The following LYPLAL1 variants were observed in gnomAD, a reference collection of about 807,000 sequenced individuals.
The protein encoded by LYPLAL1 is lysophospholipase like 1, also known as lysophospholipase-like protein 1.
A neutral mutation model predicts 19.7 loss-of-function variants in LYPLAL1; 23 were observed. The observed-to-expected ratio is 1.17, with a 90% CI of 0.84 to 1.65. The LOEUF is 1.65. LYPLAL1 is among the 40% of genes most tolerant of loss of function. The probability of loss-of-function intolerance (pLI) is 0.00; values close to 1 mark genes in which losing one functional copy is unlikely to be tolerated. For synonymous variants in LYPLAL1, 119 were observed against 96.3 expected (o/e 1.24, Z -1.38); for missense variants, 355 against 279.4 (o/e 1.27, Z -1.93).
At chr1:219,432,662 C>G in the LYPLAL1 span, among the ~76,000 whole-genome samples, 4 of 152,144 alleles carry the variant, frequency 2.6e-5, no homozygotes, top group Non-Finnish European at 5.9e-5. Context: ...CAGAGGGTCT[C>G]CTTGGGAAAG....
chr1:219,291,952 G>A, the LYPLAL1 span, among the ~76,000 whole-genome samples: 1 of 151,790 alleles, frequency 6.6e-6, no homozygotes, highest in Admixed American at 6.6e-5. Context: ...ATTGATTACA[G>A]TTTAATGCAA....
chr1:219,362,287 T>C, the LYPLAL1 span, among the ~76,000 whole-genome samples: 1 of 152,120 alleles, frequency 6.6e-6, no homozygotes, highest in South Asian at 2.1e-4. Flanking sequence ...CATTTACTAA[T>C]TGTGTGATCT....
chr1:219,187,984 A>G lies in LYPLAL1; in HGVS notation c.192-5098A>G, dbSNP rs148955473. On this transcript the variant is annotated intron_variant, in intron 2 of 4. Coordinates refer to ENST00000366928, the MANE Select transcript of LYPLAL1 (RefSeq NM_138794.5). ...AAGAAACAAAAATGGACTGTTTTCT[A>G]CAAATCACAGTGTAGATTTTATAAG... 7.6e-3 allele frequency among the ~76,000 whole-genome samples: 1,152 copies of G among 151,996 alleles called. 4 individuals carry two copies. The highest frequency in any genetic ancestry group is 0.023 in the South Asian group (109 of 4,830).
At chr1:219,256,344 T>C in the LYPLAL1 span, among the ~76,000 whole-genome samples, 1 of 151,942 alleles carries the variant, frequency 6.6e-6, no homozygotes, top group African/African-American at 2.4e-5. Flanking sequence ...AGTGTAATTA[T>C]TTATAATTTT....
chr1:219,219,661 T>C, the LYPLAL1 span, among the ~76,000 whole-genome samples: 1 of 152,206 alleles, frequency 6.6e-6, no homozygotes, highest in Admixed American at 6.5e-5. Flanking sequence ...ACAACTATTA[T>C]TCTATGAGAA....
chr1:219,435,881 T>A, the LYPLAL1 span, among the ~76,000 whole-genome samples: 2 of 152,054 alleles, frequency 1.3e-5, no homozygotes, highest in Non-Finnish European at 2.9e-5. Flanking sequence ...CATCCCACAT[T>A]CATTTAAAGC....
At chr1:219,387,417 C>T in the LYPLAL1 span, among the ~76,000 whole-genome samples, 3 of 152,286 alleles carry the variant, frequency 2.0e-5, no homozygotes, top group South Asian at 6.2e-4. Context: ...GCTGTGTTTA[C>T]ACAGATGGTG....
the LYPLAL1 span, among the ~76,000 whole-genome samples, chr1:219,324,107 G>T: frequency 6.6e-6 from 1 of 152,146 alleles, no homozygotes; most frequent in East Asian, 1.9e-4. Context: ...TTCCTGCAGT[G>T]TGCATTTATT....
intron 3 of LYPLAL1, among the ~76,000 whole-genome samples, chr1:219,197,998 G>A (rs1433166968): frequency 6.6e-6 from 1 of 152,088 alleles, no homozygotes; most frequent in Non-Finnish European, 1.5e-5. Flanking sequence ...TATAACACAA[G>A]ACTTGATTTT....
At chr1:219,257,942 CA>C in the LYPLAL1 span, among the ~76,000 whole-genome samples, 1 of 151,956 alleles carries the variant, frequency 6.6e-6, no homozygotes. Context: ...GACCTTGTCC[CA>C]GGAATGCATT....
the LYPLAL1 span, among the ~76,000 whole-genome samples, chr1:219,303,131 T>G: frequency 6.6e-6 from 1 of 152,250 alleles, no homozygotes; most frequent in Non-Finnish European, 1.5e-5. Flanking sequence ...TTATCTTCCC[T>G]AGGTCTTCCC....
At chr1:219,354,219 T>C in the LYPLAL1 span, among the ~76,000 whole-genome samples, 1 of 152,140 alleles carries the variant, frequency 6.6e-6, no homozygotes, top group South Asian at 2.1e-4. Flanking sequence ...TAAATTGAGA[T>C]GCAGTCTTGC....
chr1:219,348,127 G>A, the LYPLAL1 span, among the ~76,000 whole-genome samples: 1 of 152,188 alleles, frequency 6.6e-6, no homozygotes, highest in African/African-American at 2.4e-5. Context: ...TCACATGGGA[G>A]CCTTGTCCAT....
the LYPLAL1 span, among the ~76,000 whole-genome samples, chr1:219,334,634 G>A: frequency 2.0e-5 from 3 of 151,276 alleles, no homozygotes; most frequent in African/African-American, 7.3e-5. Flanking sequence ...AGAAATAATT[G>A]TAAAATTTGT....
intron 2 of LYPLAL1, among the ~76,000 whole-genome samples, chr1:219,189,144 G>T (rs920400533): frequency 6.6e-6 from 1 of 151,592 alleles, no homozygotes; most frequent in Non-Finnish European, 1.5e-5. Flanking sequence ...AAAGAAAAAA[G>T]TTAAGTGAAT....
the LYPLAL1 span, among the ~76,000 whole-genome samples, chr1:219,394,822 C>A: frequency 2.0e-5 from 3 of 152,146 alleles, no homozygotes; most frequent in African/African-American, 7.2e-5. Flanking sequence ...CTGTTGTTCC[C>A]CATTATGTGT....
At chr1:219,391,749 C>T in the LYPLAL1 span, among the ~76,000 whole-genome samples, 1 of 152,214 alleles carries the variant, frequency 6.6e-6, no homozygotes, top group South Asian at 2.1e-4. Context: ...TTTGTTTCTA[C>T]TCTTGGGAAC....
chr1:219,213,654 T>C (rs986704671), downstream of LYPLAL1, among the ~76,000 whole-genome samples: 1 of 152,092 alleles, frequency 6.6e-6, no homozygotes, highest in African/African-American at 2.4e-5. Flanking sequence ...TTTATACTTG[T>C]ATTTTATTTT....
chr1:219,283,585 A>G, the LYPLAL1 span, among the ~76,000 whole-genome samples: 1 of 152,178 alleles, frequency 6.6e-6, no homozygotes, highest in South Asian at 2.1e-4. Flanking sequence ...AAAATTAATA[A>G]TATAATATTT....
Sources: allele counts gnomAD v4.1 joint callset (sites outside exome capture counted in the v4.1 genomes callset), GRCh38; gene constraint gnomAD v4.1.1; transcripts MANE v1.5; gene names NCBI Gene and HGNC (gene_info 2026-07-23, HGNC 2026-07-21).